Variants in AGMO observed in about 807,000 individuals in gnomAD.
The protein encoded by AGMO is glyceryl-ether monooxygenase.
A neutral mutation model predicts 60.2 loss-of-function variants in AGMO; 75 were observed. The ratio of observed to expected loss-of-function variants is 1.25; its 90% CI spans 1.03 to 1.51. AGMO has a LOEUF of 1.51. Among genes scored for constraint, AGMO ranks in the 40% most tolerant of loss-of-function variants. AGMO has a pLI of 0.00. For synonymous variants in AGMO, 261 were observed against 177.1 expected (o/e 1.47, Z -3.76); for missense variants, 763 against 525.5 (o/e 1.45, Z -4.42).
At chr7:15,223,524 A>G (rs937949998) in intron 12 of AGMO, among the ~76,000 whole-genome samples, 2 of 152,040 alleles carry the variant, frequency 1.3e-5, no homozygotes, top group Non-Finnish European at 2.9e-5. Context: ...TAAAGAACAG[A>G]CACATTTATA....
the AGMO span, among the ~76,000 whole-genome samples, chr7:15,168,072 C>G: frequency 6.6e-6 from 1 of 152,180 alleles, no homozygotes; most frequent in Non-Finnish European, 1.5e-5. Flanking sequence ...ACCTGTTAGC[C>G]ACACAGACAT....
intron 3 of AGMO, among the ~76,000 whole-genome samples, chr7:15,486,052 T>A (rs1322694929): frequency 2.0e-5 from 3 of 152,202 alleles, no homozygotes; most frequent in Non-Finnish European, 4.4e-5. Context: ...ATAGTGTGAT[T>A]GCAAAGCACT....
intron 12 of AGMO, among the ~76,000 whole-genome samples, chr7:15,329,562 TATCA>T (rs1218450263): frequency 1.3e-5 from 2 of 152,214 alleles, no homozygotes; most frequent in Non-Finnish European, 2.9e-5. Context: ...ATTTCTCTTC[TATCA>T]GAGAGGAATA....
At chr7:15,315,299 G>A (rs1417940594) in intron 12 of AGMO, among the ~76,000 whole-genome samples, 2 of 134,412 alleles carry the variant, frequency 1.5e-5, no homozygotes, top group Non-Finnish European at 3.1e-5. Context: ...TGAAAATTAA[G>A]ATATAAGCAA....
intron 3 of AGMO, among the ~76,000 whole-genome samples, chr7:15,487,671 T>G (rs1782957198): frequency 6.6e-6 from 1 of 152,140 alleles, no homozygotes; most frequent in South Asian, 2.1e-4. Flanking sequence ...TTATATGATT[T>G]AAACATGTTT....
the AGMO span, among the ~76,000 whole-genome samples, chr7:15,177,879 G>A: frequency 1.1e-3 from 170 of 152,156 alleles, no homozygotes; most frequent in Non-Finnish European, 1.8e-3. Flanking sequence ...ACTACATAAT[G>A]ATATTGCTTT....
intron 5 of AGMO, among the ~76,000 whole-genome samples, chr7:15,402,125 G>C (rs1214213763): frequency 6.6e-6 from 1 of 152,046 alleles, no homozygotes; most frequent in African/African-American, 2.4e-5. Flanking sequence ...TTAAAATGAA[G>C]TTTGAAAATG....
At chr7:15,305,709 G>T (rs1192900297) in intron 12 of AGMO, among the ~76,000 whole-genome samples, 2 of 151,764 alleles carry the variant, frequency 1.3e-5, no homozygotes, top group Non-Finnish European at 1.5e-5. Flanking sequence ...TAATTTACTA[G>T]GGTACTATAG....
the AGMO span, among the ~76,000 whole-genome samples, chr7:15,195,082 C>G: frequency 1.3e-5 from 2 of 152,094 alleles, no homozygotes; most frequent in African/African-American, 2.4e-5. Context: ...GGAGAGCTCC[C>G]TTCAGTGAGC....
At chr7:15,487,699 C>G (rs911025616) in intron 3 of AGMO, among the ~76,000 whole-genome samples, 3 of 151,932 alleles carry the variant, frequency 2.0e-5, no homozygotes, top group Admixed American at 2.0e-4. Flanking sequence ...CCATCTTTTG[C>G]TTTACAATCA....
chr7:15,511,288 T>C (rs1027069498), intron 3 of AGMO, among the ~76,000 whole-genome samples: 4 of 152,042 alleles, frequency 2.6e-5, no homozygotes, highest in African/African-American at 9.7e-5. Context: ...TTATACGTAG[T>C]ATGAAAGCAA....
chr7:15,358,319 CAG>C (rs1738042695), intron 12 of AGMO: 1 of 431,146 alleles, frequency 2.3e-6, no homozygotes, highest in African/African-American at 2.1e-5. Context: ...ATGGCTGAGG[CAG>C]CAAATTGTTA....
intron 12 of AGMO, among the ~76,000 whole-genome samples, chr7:15,299,040 T>TA (rs1784482143): frequency 6.6e-6 from 1 of 152,110 alleles, no homozygotes; most frequent in South Asian, 2.1e-4. Context: ...GCTCAAGTGT[T>TA]ACCTCTTTTT....
intron 10 of AGMO, among the ~76,000 whole-genome samples, chr7:15,378,443 C>T (rs373145874): frequency 1.3e-5 from 2 of 152,032 alleles, no homozygotes; most frequent in East Asian, 3.9e-4. Context: ...TTTCCAATTG[C>T]TTGGTAGTGT....
At chr7:15,275,596 C>T (rs896558298) in intron 12 of AGMO, among the ~76,000 whole-genome samples, 3 of 152,002 alleles carry the variant, frequency 2.0e-5, no homozygotes, top group Non-Finnish European at 2.9e-5. Flanking sequence ...GTTATAATTT[C>T]TTTGATTTTC....
intron 12 of AGMO, among the ~76,000 whole-genome samples, chr7:15,248,833 A>G (rs1782846334): frequency 6.6e-6 from 1 of 152,218 alleles, no homozygotes; most frequent in Non-Finnish European, 1.5e-5. Context: ...GCTTAAAGTG[A>G]GGAGGCAATC....
intron 3 of AGMO, among the ~76,000 whole-genome samples, chr7:15,444,394 G>C (rs1416784982): frequency 6.6e-6 from 1 of 152,028 alleles, no homozygotes; most frequent in East Asian, 1.9e-4. Flanking sequence ...TCCAGCATGA[G>C]AAAAGAATGA....
chr7:15,456,379 T>A (rs1437032089), intron 3 of AGMO, among the ~76,000 whole-genome samples: 2 of 152,116 alleles, frequency 1.3e-5, no homozygotes, highest in Non-Finnish European at 2.9e-5. Flanking sequence ...TTTACCTTTT[T>A]CAATTACTTT....
intron 12 of AGMO, among the ~76,000 whole-genome samples, chr7:15,362,063 G>C (rs1351716486): frequency 6.6e-6 from 1 of 152,096 alleles, no homozygotes; most frequent in African/African-American, 2.4e-5. Context: ...CTCCTAGTCA[G>C]TCAGCCCTAA....
Sources: gnomAD v4.1 joint callset for allele counts (sites outside exome capture counted in the v4.1 genomes callset) on GRCh38, gnomAD v4.1.1 for gene constraint, MANE v1.5 for transcripts, NCBI Gene and HGNC (gene_info 2026-07-23, HGNC 2026-07-21) for gene names.